The following ACOT8 variants were observed in gnomAD, a reference collection of about 807,000 sequenced individuals.
The protein encoded by ACOT8 is acyl-coenzyme A thioesterase 8.
ACOT8 carries 31 observed loss-of-function variants against 38.4 expected under a neutral mutation model. The observed-to-expected ratio is 0.81, with a 90% CI of 0.61 to 1.09. The LOEUF is 1.09. Ranked by LOEUF, ACOT8 falls within the 50% of genes least tolerant of loss-of-function variation. ACOT8 has a pLI of 0.00. For missense variants in ACOT8, 373 were observed against 421.8 expected (o/e 0.88, Z 1.01); for synonymous variants, 158 against 170.3 (o/e 0.93, Z 0.56).
At chr20:45,842,951 TGAAC>T in intron 5 of ACOT8, 1 of 1,012,018 alleles carries the variant, frequency 9.9e-7, no homozygotes, top group Non-Finnish European at 1.2e-6. Context: ...TAGACATTGA[TGAAC>T]GAGTCTTGTT....
chr20:45,857,113 G>A (rs902092444), intron 1 of ACOT8, 75 bp downstream of exon 1: 2 of 1,536,194 alleles, frequency 1.3e-6, no homozygotes, highest in Non-Finnish European at 1.8e-6. Context: ...CCGGAGCCAG[G>A]GGCCCCGGGC....
intron 2 of ACOT8, among the ~76,000 whole-genome samples, chr20:45,854,766 G>A (rs1455482655): frequency 1.3e-5 from 2 of 152,106 alleles, no homozygotes; most frequent in Admixed American, 6.6e-5. Flanking sequence ...TTGACTCTCA[G>A]GCTGGTGCTC....
chr20:45,842,883 C>T (rs1984341561), intron 5 of ACOT8: 2 of 997,164 alleles, frequency 2.0e-6, no homozygotes, highest in African/African-American at 1.7e-5. Context: ...GTTTATCAAG[C>T]AAAGCTTTTC....
At chr20:45,854,106 C>T (rs1985244110) in intron 2 of ACOT8, 2 of 615,864 alleles carry the variant, frequency 3.2e-6, no homozygotes, top group Non-Finnish European at 5.0e-6. Context: ...CGATTTATTG[C>T]CCTGGCTGGT....
intron 2 of ACOT8, among the ~76,000 whole-genome samples, chr20:45,851,747 A>T (rs1044737573): frequency 4.6e-5 from 7 of 152,226 alleles, no homozygotes; most frequent in African/African-American, 1.7e-4. Context: ...AGTTGCTTTC[A>T]CTGGCAAAAC....
chr20:45,841,941 AGC>A lies in ACOT8; in HGVS notation c.855_856del (p.Leu286GlyfsTer67). 1 of 1,613,094 alleles carries A rather than the reference AGC, an allele frequency of 6.2e-7. No individual in the cohort carries two copies. Among genetic ancestry groups the A allele is most frequent in the Non-Finnish European group, 8.5e-7 (1 of 1,179,942 alleles). Reference sequence around the variant, plus strand: ...CTGACGCCACAGCCGCCCATGGACCAGCCCCCGAGAGCCACCTGTGGGTGAGG... The same window carrying A: ...CTGACGCCACAGCCGCCCATGGACCACCCCGAGAGCCACCTGTGGGTGAGG... On this transcript the variant is annotated frameshift_variant, in exon 6 of 6. Transcript: ENST00000217455. LOFTEE classifies it high-confidence loss of function.
intron 2 of ACOT8, among the ~76,000 whole-genome samples, chr20:45,851,634 T>C (rs1028131323): frequency 1.4e-4 from 21 of 152,232 alleles, no homozygotes; most frequent in Non-Finnish European, 2.5e-4. Context: ...ACAATAACTA[T>C]GTAGAGCCAC....
intron 2 of ACOT8, 137 bp from the exon 3 acceptor site, chr20:45,848,812 G>T (rs1281577758): frequency 1.4e-6 from 1 of 704,570 alleles, no homozygotes. Flanking sequence ...TCCAGGCCCA[G>T]GGATACAGAG....
chr20:45,848,692 GAC>G lies in ACOT8; in HGVS notation c.263-19_263-18del. 6.3e-7 allele frequency: 1 copy of G among 1,585,938 alleles called. No homozygotes were observed. The highest frequency in any genetic ancestry group is 8.6e-7 in the Non-Finnish European group (1 of 1,162,934). ...TCGGGTCCCCTGCAGTGGGCACAAGGACACAGTGGGTCCACAGGCCCTGTCAT... is the reference window on the plus strand; with the variant it reads ...TCGGGTCCCCTGCAGTGGGCACAAGGACAGTGGGTCCACAGGCCCTGTCAT... On this transcript the variant is annotated intron_variant, in intron 2 of 5. Transcript: ENST00000217455.
chr20:45,856,697 C>G (rs1985466618), intron 1 of ACOT8, among the ~76,000 whole-genome samples: 1 of 152,170 alleles, frequency 6.6e-6, no homozygotes, highest in African/African-American at 2.4e-5. Flanking sequence ...GAAAGAAACC[C>G]TTGCTGCAGT....
At chr20:45,846,406 T>C (rs953538342) in intron 3 of ACOT8, among the ~76,000 whole-genome samples, 1 of 152,178 alleles carries the variant, frequency 6.6e-6, no homozygotes, top group Non-Finnish European at 1.5e-5. Flanking sequence ...GAGGTAGGAA[T>C]ATGATTAGCA....
rs1984500635 is a variant in ACOT8, at chr20:45,844,245, T to G, written c.646+18A>C. ...CCCCTTGGAGAGTGGTTTCCTCCCA[T>G]CCATGGGGTACTCTTACCAATATAG... On this transcript the variant is annotated intron_variant, in intron 4 of 5. Transcript: ENST00000217455. 1 of 1,614,072 alleles carries G rather than the reference T, an allele frequency of 6.2e-7. No homozygotes were observed. The highest frequency in any genetic ancestry group is 8.5e-7 in the Non-Finnish European group (1 of 1,180,006).
chr20:45,855,056 T>C (rs1216352202), intron 2 of ACOT8, 103 bp downstream of exon 2: 11 of 1,507,210 alleles, frequency 7.3e-6, no homozygotes, highest in Non-Finnish European at 9.9e-6. Flanking sequence ...CCCCTCCCCT[T>C]GTCTTCCAGT....
rs1051198935 is a variant in ACOT8 at position 45,848,773 on chromosome 20, C to T, written c.263-98G>A. On this transcript the variant is annotated intron_variant, in intron 2 of 5. Transcript: ENST00000217455. ...ACTCATCTTCCATTCCATTTCATCT[C>T]AGTGACTACTAACTGAGGTCTGCTA... The T allele has an allele frequency of 2.7e-6, 3 of 1,107,284 alleles. No homozygotes were observed. In the African/African-American group the frequency reaches 4.7e-5, roughly 17 times the overall value. 68.6% of individuals were successfully genotyped at this position (1,107,284 alleles called of 1,614,324 possible).
rs552881308 is a variant in ACOT8, at chr20:45,856,837, G to C, written c.128+351C>G. ...GAAGAAAAGGATACTGAAGACACAAGGAGCTGCGGCGTCGGTTTTAAGGCT... is the reference window on the plus strand; with the variant it reads ...GAAGAAAAGGATACTGAAGACACAACGAGCTGCGGCGTCGGTTTTAAGGCT... On this transcript the variant is annotated intron_variant, in intron 1 of 5. Transcript: ENST00000217455. Among the ~76,000 whole-genome samples, 24 of 152,362 alleles carry C rather than the reference G, an allele frequency of 1.6e-4. 1 individual carries two copies. Among genetic ancestry groups the C allele is most frequent in the South Asian group, 2.1e-4 (1 of 4,834 alleles).
At chr20:45,847,429 A>G (rs891192024) in intron 3 of ACOT8, among the ~76,000 whole-genome samples, 5 of 150,826 alleles carry the variant, frequency 3.3e-5, no homozygotes, top group Non-Finnish European at 5.9e-5. Flanking sequence ...ATATATATAA[A>G]ATATATATAT....
intron 2 of ACOT8, 79 bp downstream of exon 2, chr20:45,855,080 C>T (rs1601102875): frequency 1.3e-6 from 2 of 1,574,474 alleles, no homozygotes; most frequent in East Asian, 4.5e-5. Context: ...CCTCTCTTCC[C>T]TTTTGACCTC....
At chr20:45,844,774 T>TA (rs148923217) in intron 3 of ACOT8, among the ~76,000 whole-genome samples, 2,003 of 152,274 alleles carry the variant, frequency 0.013, 47 homozygotes, top group African/African-American at 0.046. Context: ...GCATTGTACA[T>TA]ACAATAGTAT....
At chr20:45,849,611 C>G (rs893572910) in intron 2 of ACOT8, among the ~76,000 whole-genome samples, 4 of 152,128 alleles carry the variant, frequency 2.6e-5, no homozygotes, top group African/African-American at 9.7e-5. Flanking sequence ...CCGCTACACC[C>G]AACAAATTTT....
Sources: gnomAD v4.1 joint callset for allele counts (sites outside exome capture counted in the v4.1 genomes callset) on GRCh38, gnomAD v4.1.1 for gene constraint, MANE v1.5 for transcripts, NCBI Gene and HGNC (gene_info 2026-07-23, HGNC 2026-07-21) for gene names.